The following RIF1 variants were observed in gnomAD, a reference collection of about 807,000 sequenced individuals.
RIF1 encodes the protein telomere-associated protein RIF1.
A neutral mutation model predicts 247.1 loss-of-function variants in RIF1; 45 were observed. The observed-to-expected ratio is 0.18, with a 90% CI of 0.14 to 0.23. The LOEUF (loss-of-function observed/expected upper bound fraction) is 0.23, where lower values mean the gene tolerates loss of function less well. Among genes scored for constraint, RIF1 ranks in the 10% least tolerant of loss-of-function variants. The pLI, the probability that RIF1 is intolerant of heterozygous loss-of-function variation, is 1.00. For missense variants in RIF1, 2,967 were observed against 2,862.5 expected (o/e 1.04, Z -0.83); for synonymous variants, 1,087 against 978.8 (o/e 1.11, Z -2.06).
At chr2:151,533,380 T>TACAA in the RIF1 span, 8 of 1,080,670 alleles carry the variant, frequency 7.4e-6, no homozygotes, top group Non-Finnish European at 1.1e-5. Context: ...AATGAAAGCA[T>TACAA]ACAAGGGAAT....
At chr2:151,416,479 A>G (rs1470268524) in intron 4 of RIF1, 82 bp from the exon 5 acceptor site, 3 of 1,212,098 alleles carry the variant, frequency 2.5e-6, no homozygotes, top group Non-Finnish European at 2.3e-6. Flanking sequence ...ATTGATGAGT[A>G]TATTGTTTTC....
At chr2:151,470,213 C>CT (rs35140417) in intron 34 of RIF1, among the ~76,000 whole-genome samples, 46,289 of 151,718 alleles carry the variant, frequency 0.31, 8,285 homozygotes, top group Non-Finnish European at 0.42. Flanking sequence ...CTTATTTTTC[C>CT]TTTTTGTCAG....
chr2:151,502,739 A>G (rs1311644703), intron 11 of RIF1: 17 of 961,444 alleles, frequency 1.8e-5, no homozygotes, highest in African/African-American at 6.5e-5. Flanking sequence ...GTAAGGTGTT[A>G]TTATTTTAAA....
intron 21 of RIF1, among the ~76,000 whole-genome samples, chr2:151,454,420 G>C (rs1202049113): frequency 6.6e-6 from 1 of 152,010 alleles, no homozygotes. Context: ...TCTCTGACTT[G>C]TTCAATGTTA....
At chr2:151,489,428 T>G (rs1464402776) in intron 9 of RIF1, among the ~76,000 whole-genome samples, 1 of 152,212 alleles carries the variant, frequency 6.6e-6, no homozygotes, top group Admixed American at 6.5e-5. Context: ...AGACAGGGTC[T>G]CCCTCTGTCA....
intron 18 of RIF1, among the ~76,000 whole-genome samples, 186 bp from the exon 19 acceptor site, chr2:151,445,152 A>T (rs1218966968): frequency 2.0e-5 from 3 of 152,232 alleles, no homozygotes; most frequent in Non-Finnish European, 4.4e-5. Context: ...TCATCTGAAC[A>T]TATGCAAAGA....
At chr2:151,444,649 C>G (rs1311964687) in intron 18 of RIF1, among the ~76,000 whole-genome samples, 1 of 152,196 alleles carries the variant, frequency 6.6e-6, no homozygotes, top group African/African-American at 2.4e-5. Context: ...AGCTAGCACA[C>G]TATTCTTCTG....
chr2:151,433,835 C>G (rs1239172375), intron 10 of RIF1, among the ~76,000 whole-genome samples: 1 of 151,882 alleles, frequency 6.6e-6, no homozygotes, highest in East Asian at 1.9e-4. Flanking sequence ...GTTTTTTCCC[C>G]TAGAGCATTT....
intron 11 of RIF1, among the ~76,000 whole-genome samples, chr2:151,436,296 T>A (rs1443167079): frequency 6.6e-6 from 1 of 151,870 alleles, no homozygotes; most frequent in East Asian, 1.9e-4. Flanking sequence ...ATCTCAGCAT[T>A]TAGGGGGCTG....
chr2:151,495,146 A>G (rs1439518407), intron 9 of RIF1: 2 of 152,230 alleles, frequency 1.3e-5, no homozygotes, highest in Non-Finnish European at 2.9e-5. Flanking sequence ...TGGCTCTTAT[A>G]TCACTATCAT....
At chr2:151,429,024 G>A in intron 9 of RIF1, 102 bp downstream of exon 9, 1 of 690,272 alleles carries the variant, frequency 1.4e-6, no homozygotes, top group Non-Finnish European at 2.4e-6. Flanking sequence ...TTGAAGTTAA[G>A]TAACTACTGA....
At chr2:151,498,382 A>G in intron 10 of RIF1, 1 of 1,467,050 alleles carries the variant, frequency 6.8e-7, no homozygotes, top group African/African-American at 1.4e-5. Flanking sequence ...CCAGAACAAA[A>G]AAAGCAATCA....
the RIF1 span, among the ~76,000 whole-genome samples, chr2:151,521,715 A>G: frequency 6.6e-6 from 1 of 152,212 alleles, no homozygotes; most frequent in Non-Finnish European, 1.5e-5. Flanking sequence ...ATTCCACTTC[A>G]GTTTCTTTTT....
At chr2:151,521,403 C>G in the RIF1 span, among the ~76,000 whole-genome samples, 3 of 152,142 alleles carry the variant, frequency 2.0e-5, no homozygotes, top group Non-Finnish European at 2.9e-5. Context: ...AAGTTTCACT[C>G]TCAACATAAA....
intron 21 of RIF1, among the ~76,000 whole-genome samples, chr2:151,454,427 G>A (rs1367717892): frequency 6.6e-6 from 1 of 152,042 alleles, no homozygotes; most frequent in African/African-American, 2.4e-5. Context: ...CTTGTTCAAT[G>A]TTATTTGTAG....
chr2:151,430,665 GT>G (rs199852589), intron 9 of RIF1, among the ~76,000 whole-genome samples: 43 of 151,822 alleles, frequency 2.8e-4, no homozygotes, highest in African/African-American at 9.4e-4. Flanking sequence ...TGGGGGCATA[GT>G]TTCCCCCCCT....
intron 16 of RIF1, among the ~76,000 whole-genome samples, chr2:151,442,963 A>G (rs1692621970): frequency 6.6e-6 from 1 of 151,416 alleles, no homozygotes; most frequent in African/African-American, 2.4e-5. Context: ...TATTTAGTAG[A>G]GATGGGGTTT....
exon 13 of RIF1, chr2:151,506,304 AC>A: frequency 7.1e-7 from 1 of 1,408,646 alleles, no homozygotes; most frequent in Non-Finnish European, 1.0e-6. Context: ...AGAAAAGAAA[AC>A]CCAGCAGTTC....
intron 15 of RIF1, among the ~76,000 whole-genome samples, 178 bp from the exon 16 acceptor site, chr2:151,441,727 G>T (rs1692325360): frequency 6.6e-6 from 1 of 152,146 alleles, no homozygotes; most frequent in South Asian, 2.1e-4. Flanking sequence ...TTCTAAAACG[G>T]ATGCAGATAT....
Sources: gnomAD v4.1 joint callset for allele counts (sites outside exome capture counted in the v4.1 genomes callset) on GRCh38, gnomAD v4.1.1 for gene constraint, MANE v1.5 for transcripts, NCBI Gene and HGNC (gene_info 2026-07-23, HGNC 2026-07-21) for gene names.